The following HAVCR2 variants were observed in gnomAD, a reference collection of about 807,000 sequenced individuals.
HAVCR2 encodes hepatitis A virus cellular receptor 2.
Under a neutral mutation model 24.7 loss-of-function variants are expected in HAVCR2, and 13 were observed. The observed-to-expected ratio is 0.53, with a 90% CI of 0.34 to 0.84. HAVCR2 has a LOEUF of 0.84. HAVCR2 is among the 40% of genes least tolerant of loss of function. The probability of loss-of-function intolerance (pLI) is 0.01; values close to 1 mark genes in which losing one functional copy is unlikely to be tolerated. For synonymous variants in HAVCR2, 154 were observed against 143.4 expected, an observed-to-expected ratio of 1.07 and a Z score of -0.53; for missense variants, 343 against 371.2, an observed-to-expected ratio of 0.92 and a Z score of 0.62.
intron 4 of HAVCR2, 117 bp downstream of exon 4, chr5:157,098,741 A>G: frequency 1.2e-6 from 1 of 850,548 alleles, no homozygotes. Flanking sequence ...CAGGAATCTG[A>G]AGCTAAGGGA....
chr5:157,107,527 T>A (rs746419778), intron 1 of HAVCR2, among the ~76,000 whole-genome samples: 1 of 152,200 alleles, frequency 6.6e-6, no homozygotes, highest in Non-Finnish European at 1.5e-5. Flanking sequence ...CTCATGGAGT[T>A]GTTTTAAGGT....
At chr5:157,088,432 A>G (rs1425329798) in intron 6 of HAVCR2, among the ~76,000 whole-genome samples, 2 of 152,198 alleles carry the variant, frequency 1.3e-5, no homozygotes, top group African/African-American at 2.4e-5. Context: ...AACAATTTCT[A>G]TGCTTAGGCT....
intron 5 of HAVCR2, among the ~76,000 whole-genome samples, chr5:157,094,041 C>CTTTT (rs1374358354): frequency 7.3e-6 from 1 of 136,354 alleles, no homozygotes; most frequent in Non-Finnish European, 1.6e-5. Flanking sequence ...CAACACACTT[C>CTTTT]TTTTTTTTTT....
At chr5:157,105,927 G>T (rs1757240840) in intron 2 of HAVCR2, among the ~76,000 whole-genome samples, 1 of 152,060 alleles carries the variant, frequency 6.6e-6, no homozygotes, top group South Asian at 2.1e-4. Context: ...AGCCAGGCTG[G>T]TCTCAAACTC....
chr5:157,098,163 T>C (rs1757119892), intron 4 of HAVCR2, among the ~76,000 whole-genome samples: 1 of 151,878 alleles, frequency 6.6e-6, no homozygotes, highest in South Asian at 2.1e-4. Flanking sequence ...TCTCAGCACT[T>C]TGGGAGGCCG....
chr5:157,096,803 A>T (rs1049023562), intron 4 of HAVCR2, among the ~76,000 whole-genome samples: 2 of 151,578 alleles, frequency 1.3e-5, no homozygotes, highest in Non-Finnish European at 2.9e-5. Flanking sequence ...ATTAATAAAT[A>T]AATAATAATT....
At position 157,104,821 on chromosome 5, in the gene HAVCR2, C is replaced by T. The variant is rs530258739; in HGVS notation, c.395-72G>A. 5.0e-5 allele frequency: 55 copies of T among 1,098,568 alleles called. No homozygotes were observed. In the African/African-American group the frequency reaches 7.4e-4, roughly 15 times the overall value. The allele number at this position is 1,098,568 out of a possible 1,614,324, so 68.1% of individuals were successfully genotyped here. A position where few individuals can be genotyped will look rare whatever the true frequency, so the allele number is the denominator to read the frequency against. On this transcript the variant is annotated intron_variant, in intron 2 of 6. Transcript: ENST00000307851. The stretch of plus-strand genomic sequence containing the variant: ...AGCTTATTTCAGGGAATCAAAGGGG[C>T]AGCAAGAAAAAAATGCGAAAGACAA...
At chr5:157,098,738 C>A in intron 4 of HAVCR2, 120 bp downstream of exon 4, 1 of 836,318 alleles carries the variant, frequency 1.2e-6, no homozygotes, top group Admixed American at 2.2e-5. Context: ...GCCCAGGAAT[C>A]TGAAGCTAAG....
chr5:157,102,282 C>T (rs1375231252), intron 3 of HAVCR2, among the ~76,000 whole-genome samples: 1 of 151,606 alleles, frequency 6.6e-6, no homozygotes, highest in Admixed American at 6.6e-5. Flanking sequence ...CCATGTTGCC[C>T]AGGCTGGTCT....
intron 4 of HAVCR2, among the ~76,000 whole-genome samples, chr5:157,096,940 A>G (rs1383695795): frequency 2.0e-5 from 3 of 149,718 alleles, no homozygotes; most frequent in Non-Finnish European, 2.9e-5. Context: ...ACACACACAC[A>G]CACACACACA....
At chr5:157,098,935 A>G in intron 3 of HAVCR2, 34 bp from the exon 4 acceptor site, 1 of 1,562,734 alleles carries the variant, frequency 6.4e-7, no homozygotes, top group Non-Finnish European at 8.8e-7. Flanking sequence ...GAGAGAGGAA[A>G]AATAGCCAAT....
At chr5:157,095,542 A>G (rs2113688432) in intron 4 of HAVCR2, 83 bp from the exon 5 acceptor site, 1 of 1,483,388 alleles carries the variant, frequency 6.7e-7, no homozygotes. Context: ...GAATTGGACC[A>G]TCCCTTTTAC....
chr5:157,095,636 C>G (rs1757085648), intron 4 of HAVCR2, among the ~76,000 whole-genome samples, 177 bp from the exon 5 acceptor site: 2 of 150,852 alleles, frequency 1.3e-5, no homozygotes, highest in Admixed American at 1.3e-4. Context: ...AAGAAAGGGT[C>G]TCCCTTAACC....
chr5:157,094,675 G>T (rs549446396), intron 5 of HAVCR2, among the ~76,000 whole-genome samples: 1 of 151,482 alleles, frequency 6.6e-6, no homozygotes, highest in African/African-American at 2.4e-5. Flanking sequence ...GAGCCACTGC[G>T]CCGGGCCTGT....
intron 6 of HAVCR2, among the ~76,000 whole-genome samples, chr5:157,088,602 G>A (rs1456937933): frequency 6.6e-6 from 1 of 152,164 alleles, no homozygotes; most frequent in African/African-American, 2.4e-5. Context: ...CTTCTGTAAC[G>A]CCTAAGTGCA....
chr5:157,104,533 A>C, intron 3 of HAVCR2, 133 bp downstream of exon 3: 1 of 571,226 alleles, frequency 1.8e-6, no homozygotes, highest in Non-Finnish European at 3.1e-6. Flanking sequence ...CTCTTTTCAA[A>C]CACTATTTCA....
chr5:157,095,259 C>T, intron 5 of HAVCR2, 47 bp downstream of exon 5: 1 of 1,601,004 alleles, frequency 6.2e-7, no homozygotes, highest in Non-Finnish European at 8.5e-7. Context: ...TACTGGTTCT[C>T]ACTGAAGAAT....
rs1475132429 is a variant in HAVCR2, at chr5:157,087,548, C to T, written c.714-254G>A. Among the ~76,000 whole-genome samples the T allele has an allele frequency of 4.0e-5, 6 of 151,870 alleles. No homozygotes were observed. In the East Asian group the frequency reaches 7.7e-4, roughly 20 times the overall value. ...TAGCTAAGAGAATATTTTTATTTCT[C>T]GGAGGTGCAGGCTGAAGTTTAGGTG... On this transcript the variant is annotated intron_variant, in intron 6 of 6. Coordinates refer to ENST00000307851, the MANE Select transcript of HAVCR2 (RefSeq NM_032782.5).
At chr5:157,101,620 T>C (rs1334160229) in intron 3 of HAVCR2, among the ~76,000 whole-genome samples, 1 of 152,104 alleles carries the variant, frequency 6.6e-6, no homozygotes, top group African/African-American at 2.4e-5. Flanking sequence ...CAGCTATTAA[T>C]TGGGAAAGCT....
Sources: allele counts gnomAD v4.1 joint callset (sites outside exome capture counted in the v4.1 genomes callset), GRCh38; gene constraint gnomAD v4.1.1; transcripts MANE v1.5; gene names NCBI Gene and HGNC (gene_info 2026-07-23, HGNC 2026-07-21).